The following ATP1B4 variants were observed in gnomAD, a reference collection of about 807,000 sequenced individuals.
The protein encoded by ATP1B4 is ATPase Na+/K+ transporting family member beta 4, also known as protein ATP1B4.
In ATP1B4, 32 loss-of-function variants were observed where a neutral mutation model predicts 29.6. The ratio of observed to expected loss-of-function variants is 1.08; its 90% confidence interval spans 0.82 to 1.45. ATP1B4 has a LOEUF of 1.45. Among genes scored for constraint, ATP1B4 ranks in the 40% most tolerant of loss-of-function variants. ATP1B4 has a pLI of 0.00. For synonymous variants in ATP1B4, 127 were observed against 102.1 expected, an observed-to-expected ratio of 1.24 and a Z score of -1.47; for missense variants, 323 against 276.2, an observed-to-expected ratio of 1.17 and a Z score of -1.20.
chrX:120,375,118 C>A (rs1258651573), intron 4 of ATP1B4, among the ~76,000 whole-genome samples: 2 of 109,105 alleles, frequency 1.8e-5, no homozygotes, highest in Non-Finnish European at 3.8e-5. Context: ...TCCAGAAGTT[C>A]CATGGGAATG....
chrX:120,362,933 C>G (rs896828725), intron 1 of ATP1B4, among the ~76,000 whole-genome samples: 3 of 112,869 alleles, frequency 2.7e-5, no homozygotes, highest in Non-Finnish European at 3.7e-5. Flanking sequence ...GCCATCCTGA[C>G]TGCCACCCCA....
intron 7 of ATP1B4, among the ~76,000 whole-genome samples, chrX:120,378,996 T>C (rs1347060673): frequency 9.0e-6 from 1 of 111,344 alleles, no homozygotes; most frequent in Non-Finnish European, 1.9e-5. Context: ...AGTTTACGAA[T>C]GGGAAAATTG....
In ATP1B4 at chrX:120,376,377, T is replaced by C. The variant is rs778021842; in HGVS notation, c.760-3T>C. 3.3e-6 allele frequency: 4 copies of C among 1,207,112 alleles called. No individual in the cohort carries two copies. The highest frequency in any genetic ancestry group is 4.5e-6 in the Non-Finnish European group (4 of 893,303). On this transcript the variant is annotated splice_polypyrimidine_tract_variant and splice_region_variant and intron_variant, in intron 5 of 7. Transcript: ENST00000218008. ...AAATAAAACACTGGTTTTCTTTTGA[T>C]AGATTGTAGGCTTTCGTCCTGAGCT...
At chrX:120,373,561 T>G (rs1336987510) in intron 4 of ATP1B4, among the ~76,000 whole-genome samples, 1 of 112,172 alleles carries the variant, frequency 8.9e-6, no homozygotes, top group African/African-American at 3.2e-5. Flanking sequence ...CAGGACTAAC[T>G]GGGCTCCATC....
At chrX:120,374,501 GATATACCCTTATATATACC>G (rs1223698590) in intron 4 of ATP1B4, among the ~76,000 whole-genome samples, 7 of 84,031 alleles carry the variant, frequency 8.3e-5, no homozygotes, top group Non-Finnish European at 1.3e-4. Context: ...GATATATAAG[GATATACCCTTATATATACC>G]ATATACCCTT....
chrX:120,367,143 G>A (rs753726005), intron 2 of ATP1B4, among the ~76,000 whole-genome samples: 2 of 112,298 alleles, frequency 1.8e-5, no homozygotes, highest in Admixed American at 1.9e-4. Context: ...CTGAGCCTCA[G>A]TTTCCTCACA....
chrX:120,365,383 C>G (rs2058280911), intron 1 of ATP1B4, among the ~76,000 whole-genome samples: 1 of 112,306 alleles, frequency 8.9e-6, no homozygotes, highest in South Asian at 3.7e-4. Context: ...TGTACTGATT[C>G]TGAACAATCC....
At chrX:120,374,730 T>TACCCTTATATATAATATAATATA (rs1399379591) in intron 4 of ATP1B4, among the ~76,000 whole-genome samples, 1 of 67,423 alleles carries the variant, frequency 1.5e-5, no homozygotes, top group African/African-American at 6.0e-5. Context: ...AATATATATA[T>TACCCTTATATATAATATAATATA]TATATTATAT....
intron 1 of ATP1B4, among the ~76,000 whole-genome samples, chrX:120,366,116 G>C (rs2058284491): frequency 1.8e-5 from 2 of 111,636 alleles, no homozygotes; most frequent in African/African-American, 3.3e-5. Context: ...AGCTGGCTTG[G>C]ACTGAAAGTT....
Position 120,382,609 on chromosome X carries a change from T to G in ATP1B4, c.*2975T>G, listed in dbSNP as rs1009189499. The G allele has an allele frequency of 8.9e-6, 1 of 112,254 alleles. No homozygotes were observed. The highest frequency in any genetic ancestry group is 3.2e-5 in the African/African-American group (1 of 30,935). The allele number at this position is 112,254 out of a possible 1,213,427, so 9.3% of individuals were successfully genotyped here. A position where few individuals can be genotyped will look rare whatever the true frequency, so the allele number is the denominator to read the frequency against. ...AAAGTACCATCTTCTTAAAAATCAA[T>G]GAATGATATCCCAAACATTTTGAAA... On this transcript the variant is annotated 3_prime_UTR_variant, in exon 8 of 8. Coordinates refer to ENST00000218008, the MANE Select transcript of ATP1B4 (RefSeq NM_001142447.3).
At chrX:120,375,611 T>C (rs1220818569) in intron 5 of ATP1B4, 43 bp downstream of exon 5, 1 of 1,094,862 alleles carries the variant, frequency 9.1e-7, no homozygotes, top group African/African-American at 1.8e-5. Flanking sequence ...GCGAATGAAC[T>C]AGATAGGAGG....
chrX:120,374,309 G>A (rs950325821), intron 4 of ATP1B4, among the ~76,000 whole-genome samples: 4 of 106,931 alleles, frequency 3.7e-5, no homozygotes, highest in African/African-American at 1.4e-4. Context: ...TTGCCAGGTC[G>A]GGAGGTGGGG....
In ATP1B4 at chrX:120,379,575, G is replaced by A. The variant is rs1469333255; in HGVS notation, c.1015G>A (p.Asp339Asn). The change falls in exon 8 of 8, where the codon GAT becomes AAT. Residue 339 changes from aspartate (D) to asparagine (N), a missense_variant. Physicochemically the swap from Asp to Asn is conservative, Grantham distance 23 (BLOSUM62 1). Coordinates refer to ENST00000218008, the MANE Select transcript of ATP1B4 (RefSeq NM_001142447.3). ...CQLKGKGVIN[D>N]VINDRFVGRV... ...ACTGAAGGGCAAAGGCGTCATAAATGATGTCATCAATGATCGTTTTGTGGG... is the reference window on the plus strand; with the variant it reads ...ACTGAAGGGCAAAGGCGTCATAAATAATGTCATCAATGATCGTTTTGTGGG... 3.3e-6 allele frequency: 4 copies of A among 1,211,103 alleles called. No homozygotes were observed. Among genetic ancestry groups the A allele is most frequent in the Non-Finnish European group, 4.5e-6 (4 of 895,154 alleles).
At chrX:120,368,770 G>A (rs1312901193) in intron 2 of ATP1B4, among the ~76,000 whole-genome samples, 2 of 111,827 alleles carry the variant, frequency 1.8e-5, no homozygotes, top group African/African-American at 6.5e-5. Flanking sequence ...TGAAGAGTTG[G>A]GAGCACGGTT....
At chrX:120,378,032 T>C (rs5909708) in intron 6 of ATP1B4, among the ~76,000 whole-genome samples, 41,008 of 105,186 alleles carry the variant, frequency 0.39, 6,698 homozygotes, top group Non-Finnish European at 0.53. Context: ...TAGATCTGTT[T>C]ACTTTAATCA....
chrX:120,366,006 G>A (rs1393372795), intron 1 of ATP1B4, among the ~76,000 whole-genome samples: 1 of 111,957 alleles, frequency 8.9e-6, no homozygotes, highest in Non-Finnish European at 1.9e-5. Context: ...GAGGGGTACA[G>A]CAGTTGGCCT....
Position 120,379,632 on chromosome X carries a change from T to G in ATP1B4, c.1072T>G (p.Ter358GluextTer23). ...RVIFTLNIET[*>E] ...AATCTTTACCCTGAACATAGAAACT[T>G]AAGAACTTCAGGGGGCCATTCTTAC... The change falls in exon 8 of 8, where the codon TAA (stop) becomes GAA (glutamate). Residue 358 changes from the stop codon to glutamate (E), a stop_lost. Transcript: ENST00000218008. The G allele has an allele frequency of 1.7e-6, 2 of 1,204,039 alleles. No homozygotes were observed. The highest frequency in any genetic ancestry group is 1.1e-6 in the Non-Finnish European group (1 of 892,378).
At chrX:120,362,323 G>A in intron 1 of ATP1B4, 92 bp downstream of exon 1, 2 of 866,725 alleles carry the variant, frequency 2.3e-6, no homozygotes. Flanking sequence ...GTTTACGGCT[G>A]CCTCTCTTTG....
intron 4 of ATP1B4, among the ~76,000 whole-genome samples, chrX:120,373,326 G>A (rs1055486726): frequency 8.9e-6 from 1 of 112,506 alleles, no homozygotes; most frequent in African/African-American, 3.2e-5. Context: ...ATTAAATGTA[G>A]CTTTGTCAAA....
Sources: allele counts gnomAD v4.1 joint callset (sites outside exome capture counted in the v4.1 genomes callset), GRCh38; gene constraint gnomAD v4.1.1; transcripts MANE v1.5; gene names NCBI Gene and HGNC (gene_info 2026-07-23, HGNC 2026-07-21).